Variants in EYS observed in about 807,000 individuals in gnomAD.
The protein encoded by EYS is EGF-like photoreceptor maintenance factor, also known as protein eyes shut homolog.
A neutral mutation model predicts 282.1 loss-of-function variants in EYS; 250 were observed. That is an observed-to-expected ratio of 0.89 (90% CI 0.80 to 0.98). EYS has a LOEUF of 0.98. EYS is among the 50% of genes least tolerant of loss of function. The probability of loss-of-function intolerance (pLI) is 0.00; values close to 1 mark genes in which losing one functional copy is unlikely to be tolerated. For missense variants in EYS, 4,016 were observed against 3,709.0 expected (o/e 1.08, Z -2.15); for synonymous variants, 1,355 against 1,282.9 (o/e 1.06, Z -1.20).
intron 5 of EYS, among the ~76,000 whole-genome samples, chr6:65,445,027 T>A (rs1004375940): frequency 4.0e-5 from 6 of 151,674 alleles, no homozygotes; most frequent in African/African-American, 1.5e-4. Context: ...TGACAAAAGA[T>A]CTCTAGAATA....
chr6:65,547,609 T>C (rs535114899), intron 2 of EYS, among the ~76,000 whole-genome samples: 14 of 152,268 alleles, frequency 9.2e-5, no homozygotes, highest in East Asian at 1.9e-4. Context: ...TCTAATATGA[T>C]AGGCAAAATA....
intron 12 of EYS, among the ~76,000 whole-genome samples, chr6:65,195,639 T>C (rs1765747194): frequency 6.6e-6 from 1 of 152,024 alleles, no homozygotes; most frequent in Non-Finnish European, 1.5e-5. Flanking sequence ...GAGCTAAGTA[T>C]ATTGCTATCT....
intron 12 of EYS, among the ~76,000 whole-genome samples, chr6:65,284,528 G>A (rs1242151583): frequency 2.0e-5 from 3 of 152,000 alleles, no homozygotes; most frequent in Non-Finnish European, 4.4e-5. Flanking sequence ...GCTATATAAT[G>A]AGAACCCACC....
intron 36 of EYS, chr6:63,857,682 C>A: frequency 2.3e-6 from 1 of 440,654 alleles, no homozygotes; most frequent in South Asian, 1.7e-5. Context: ...TACTTGTTTG[C>A]CAATAAGTTT....
At chr6:64,165,124 T>C (rs1764246093) in intron 31 of EYS, among the ~76,000 whole-genome samples, 2 of 151,508 alleles carry the variant, frequency 1.3e-5, no homozygotes, top group African/African-American at 2.4e-5. Context: ...GTCATAAAAC[T>C]GTACATATCA....
intron 22 of EYS, among the ~76,000 whole-genome samples, chr6:64,688,073 C>A (rs993631175): frequency 1.3e-5 from 2 of 150,810 alleles, no homozygotes; most frequent in African/African-American, 4.9e-5. Flanking sequence ...TGGTGGTATC[C>A]CCTTTATCAT....
intron 19 of EYS, among the ~76,000 whole-genome samples, chr6:64,858,297 A>G (rs1389898973): frequency 6.6e-6 from 1 of 152,144 alleles, no homozygotes; most frequent in African/African-American, 2.4e-5. Flanking sequence ...CAGGGATCCA[A>G]TATCATTCGT....
At chr6:65,617,077 A>G (rs1401237131) in intron 2 of EYS, among the ~76,000 whole-genome samples, 2 of 152,180 alleles carry the variant, frequency 1.3e-5, no homozygotes, top group Non-Finnish European at 2.9e-5. Context: ...AATATTTTTT[A>G]TACTTTCTTT....
intron 31 of EYS, among the ~76,000 whole-genome samples, chr6:64,227,908 T>C (rs1161399174): frequency 1.3e-5 from 2 of 152,180 alleles, no homozygotes; most frequent in African/African-American, 4.8e-5. Context: ...AGAGAAGATT[T>C]AGGGACTGTT....
intron 12 of EYS, among the ~76,000 whole-genome samples, chr6:65,180,689 A>T (rs1765355278): frequency 6.6e-6 from 1 of 152,206 alleles, no homozygotes; most frequent in Admixed American, 6.5e-5. Context: ...CTTTCTTCAC[A>T]GAATTGGAAA....
chr6:65,129,082 T>C (rs140032015), intron 12 of EYS, among the ~76,000 whole-genome samples: 156 of 152,094 alleles, frequency 1.0e-3, no homozygotes, highest in African/African-American at 3.6e-3. Context: ...ATTCAATAAA[T>C]GGTGGGTGCT....
At chr6:64,589,474 C>A (rs901616952) in intron 26 of EYS, among the ~76,000 whole-genome samples, 2 of 152,012 alleles carry the variant, frequency 1.3e-5, no homozygotes, top group African/African-American at 4.8e-5. Context: ...AATGAAAAAT[C>A]TTATCTTTCT....
chr6:64,627,755 G>C (rs1767653704), intron 22 of EYS, among the ~76,000 whole-genome samples: 2 of 152,170 alleles, frequency 1.3e-5, no homozygotes. Flanking sequence ...TCCTTACCTA[G>C]CTGAAGACTT....
At chr6:65,375,070 C>A (rs1164258328) in intron 8 of EYS, among the ~76,000 whole-genome samples, 4 of 152,144 alleles carry the variant, frequency 2.6e-5, no homozygotes, top group Admixed American at 6.6e-5. Flanking sequence ...GTTCCCTGAC[C>A]CCTGTGCCTC....
chr6:65,316,056 C>A (rs185337599), intron 11 of EYS, among the ~76,000 whole-genome samples: 53 of 152,306 alleles, frequency 3.5e-4, no homozygotes, highest in Middle Eastern at 3.4e-3. Context: ...AGTGTCCACT[C>A]AAGTATTTCC....
At chr6:64,797,423 T>C (rs1238932978) in intron 22 of EYS, among the ~76,000 whole-genome samples, 2 of 152,036 alleles carry the variant, frequency 1.3e-5, no homozygotes, top group Non-Finnish European at 2.9e-5. Flanking sequence ...CATGGACCCA[T>C]ACGTTTGAAA....
At chr6:65,469,991 A>C (rs1009658457) in intron 5 of EYS, among the ~76,000 whole-genome samples, 3 of 152,180 alleles carry the variant, frequency 2.0e-5, no homozygotes, top group African/African-American at 7.2e-5. Context: ...AAAATTGTCT[A>C]TATAAGAGAT....
intron 26 of EYS, among the ~76,000 whole-genome samples, chr6:64,545,053 C>A (rs1008397375): frequency 6.6e-6 from 1 of 152,140 alleles, no homozygotes; most frequent in Non-Finnish European, 1.5e-5. Flanking sequence ...CAAAGCCTAG[C>A]AGAGACACAA....
At chr6:64,279,063 A>T (rs1768213931) in intron 30 of EYS, among the ~76,000 whole-genome samples, 1 of 152,082 alleles carries the variant, frequency 6.6e-6, no homozygotes, top group Non-Finnish European at 1.5e-5. Flanking sequence ...CCATCTTCCA[A>T]CCCTTTTTGT....
Sources: allele counts gnomAD v4.1 joint callset (sites outside exome capture counted in the v4.1 genomes callset), GRCh38; gene constraint gnomAD v4.1.1; transcripts MANE v1.5; gene names NCBI Gene and HGNC (gene_info 2026-07-23, HGNC 2026-07-21).